The following EFCAB8 variants were observed in gnomAD, a reference collection of about 807,000 sequenced individuals.
EFCAB8 encodes the protein EF-hand calcium-binding domain-containing protein 8.
In EFCAB8, 100 loss-of-function variants were observed where a neutral mutation model predicts 116.3. That is an observed-to-expected ratio of 0.86 (90% CI 0.73 to 1.02). The LOEUF is 1.02. Among genes scored for constraint, EFCAB8 ranks in the 50% least tolerant of loss-of-function variants. The pLI, the probability that EFCAB8 is intolerant of heterozygous loss-of-function variation, is 0.00. For synonymous variants in EFCAB8, 558 were observed against 567.9 expected (o/e 0.98, Z 0.25); for missense variants, 1,320 against 1,416.9 (o/e 0.93, Z 1.10).
chr20:32,892,688 G>T (rs1985974316), intron 8 of EFCAB8, among the ~76,000 whole-genome samples: 2 of 152,142 alleles, frequency 1.3e-5, no homozygotes, highest in African/African-American at 4.8e-5. Context: ...TCAGTGATGG[G>T]CTGGACCTGG....
chr20:32,953,422 G>A (rs1229628242), intron 23 of EFCAB8, among the ~76,000 whole-genome samples: 3 of 152,196 alleles, frequency 2.0e-5, no homozygotes, highest in African/African-American at 7.2e-5. Context: ...CATAGCACAT[G>A]TACCATTTTA....
intron 6 of EFCAB8, among the ~76,000 whole-genome samples, chr20:32,888,387 A>G (rs562825048): frequency 6.6e-6 from 1 of 152,094 alleles, no homozygotes; most frequent in Non-Finnish European, 1.5e-5. Flanking sequence ...CACCACGCCC[A>G]GCTAACTTTT....
At chr20:32,907,411 C>T (rs558444980) in intron 13 of EFCAB8, among the ~76,000 whole-genome samples, 41 of 152,230 alleles carry the variant, frequency 2.7e-4, no homozygotes, top group Non-Finnish European at 5.0e-4. Context: ...GACCCCTCCT[C>T]GGCTGCCTGG....
chr20:32,927,385 C>T (rs1382452236), intron 20 of EFCAB8, among the ~76,000 whole-genome samples: 1 of 152,020 alleles, frequency 6.6e-6, no homozygotes, highest in Non-Finnish European at 1.5e-5. Flanking sequence ...CACTCTGTCT[C>T]CCAGGCTGGA....
intron 23 of EFCAB8, among the ~76,000 whole-genome samples, chr20:32,951,315 G>A (rs1231583673): frequency 6.6e-6 from 1 of 152,164 alleles, no homozygotes; most frequent in Non-Finnish European, 1.5e-5. Context: ...ATAAACTATG[G>A]TTTATGGAAT....
chr20:32,887,646 T>C (rs1166738346), intron 6 of EFCAB8, among the ~76,000 whole-genome samples: 1 of 152,216 alleles, frequency 6.6e-6, no homozygotes, highest in African/African-American at 2.4e-5. Flanking sequence ...TCTCCAACTC[T>C]AAGCCGAGTG....
intron 17 of EFCAB8, among the ~76,000 whole-genome samples, chr20:32,915,227 TG>T (rs1449655984): frequency 1.3e-5 from 2 of 152,210 alleles, no homozygotes; most frequent in Non-Finnish European, 2.9e-5. Context: ...ATTAACAGTT[TG>T]GTCTTTAAAC....
At chr20:32,869,239 ATT>A (rs558913991) in intron 3 of EFCAB8, among the ~76,000 whole-genome samples, 2 of 144,380 alleles carry the variant, frequency 1.4e-5, no homozygotes, top group Non-Finnish European at 1.5e-5. Context: ...GGGTGTTGCA[ATT>A]TTTTTTTTTT....
intron 11 of EFCAB8, among the ~76,000 whole-genome samples, chr20:32,905,643 C>T (rs969633665): frequency 6.6e-6 from 1 of 151,742 alleles, no homozygotes; most frequent in Non-Finnish European, 1.5e-5. Context: ...ACCTGTAATC[C>T]CAGCTACTCT....
At chr20:32,953,803 T>C (rs955021567) in intron 23 of EFCAB8, among the ~76,000 whole-genome samples, 5 of 152,142 alleles carry the variant, frequency 3.3e-5, no homozygotes, top group African/African-American at 1.2e-4. Flanking sequence ...TTGTTGATTG[T>C]GGTTTTTGTT....
At chr20:32,892,438 C>A in intron 8 of EFCAB8, 141 bp downstream of exon 8, 3 of 683,236 alleles carry the variant, frequency 4.4e-6, no homozygotes, top group Non-Finnish European at 7.4e-6. Flanking sequence ...TCCAAGGCCC[C>A]TGTGTCTTCC....
At position 32,961,437 on chromosome 20, in the gene EFCAB8, A is replaced by C. The variant is rs1216733147; in HGVS notation, c.3695A>C (p.Gln1232Pro). ...CAGTTCTCCTTCTTGCTGCGGCCCC[A>C]GTCAGCCTCCACAGCCCATTCCACC... ...TPQFSFLLRP[Q>P]SASTAHSTPS... The change falls in exon 27 of 27, where the codon CAG (glutamine) becomes CCG (proline). Residue 1232 changes from glutamine (Q) to proline (P), a missense_variant. Gln to Pro is a moderately conservative substitution (Grantham distance 76, BLOSUM62 -1). Transcript: ENST00000400522. 32 of 1,456,728 alleles carry C rather than the reference A, an allele frequency of 2.2e-5. No individual in the cohort carries two copies. The highest frequency in any genetic ancestry group is 2.7e-5 in the Non-Finnish European group (30 of 1,102,744). 90.2% of individuals were successfully genotyped at this position (1,456,728 alleles called of 1,614,324 possible). A position where few individuals can be genotyped will look rare whatever the true frequency, so the allele number is the denominator to read the frequency against.
intron 23 of EFCAB8, among the ~76,000 whole-genome samples, chr20:32,956,842 C>T (rs1162070449): frequency 6.6e-6 from 1 of 151,800 alleles, no homozygotes; most frequent in Non-Finnish European, 1.5e-5. Context: ...TATCTCTTCA[C>T]TATTACTTCT....
rs35534837 is a variant in EFCAB8, at chr20:32,870,859, C to CTT, written c.208+3125_208+3126dup. Among the ~76,000 whole-genome samples the CTT allele has an allele frequency of 7.5e-5, 11 of 146,210 alleles. No homozygotes were observed. The South Asian group carries it at 8.7e-4, about 12-fold the overall frequency. On this transcript the variant is annotated intron_variant, in intron 3 of 26. Coordinates refer to ENST00000400522, the MANE Select transcript of EFCAB8 (RefSeq NM_001143967.2). ...TCTTTAGTCATTTCTACTTCTTCTTCTTTTTTTTTTTTTTCCTGAAATGGA... is the reference window on the plus strand; with the variant it reads ...TCTTTAGTCATTTCTACTTCTTCTTCTTTTTTTTTTTTTTTTCCTGAAATGGA...
chr20:32,860,493 C>CTTTTTTTT lies in EFCAB8; in HGVS notation c.-11+1511_-11+1518dup, dbSNP rs71190881. Among the ~76,000 whole-genome samples, 23 of 83,994 alleles carry CTTTTTTTT rather than the reference C, an allele frequency of 2.7e-4. 3 individuals are homozygous for CTTTTTTTT. The highest frequency in any genetic ancestry group is 1.5e-3 in the African/African-American group (19 of 12,800). The allele number at this position is 83,994 out of a possible 152,430, so 55.1% of individuals were successfully genotyped here. ...TTTGTTCCATCGCTGATGGTGGTAA[C>CTTTTTTTT]TTTTTTTTTTTTTTTTTTTTTTTTT... On this transcript the variant is annotated intron_variant, in intron 1 of 26. Transcript: ENST00000400522.
At chr20:32,941,158 A>G (rs1199403234) in intron 22 of EFCAB8, among the ~76,000 whole-genome samples, 4 of 149,504 alleles carry the variant, frequency 2.7e-5, no homozygotes, top group Non-Finnish European at 5.9e-5. Context: ...AGGCTGAGGC[A>G]GGAGAATCGC....
At chr20:32,887,035 G>C (rs557558342) in intron 6 of EFCAB8, among the ~76,000 whole-genome samples, 1 of 152,212 alleles carries the variant, frequency 6.6e-6, no homozygotes, top group East Asian at 1.9e-4. Flanking sequence ...GAGGGGCTTA[G>C]GAGGGTTCTG....
chr20:32,907,093 C>G, intron 13 of EFCAB8, 99 bp downstream of exon 13: 1 of 1,435,380 alleles, frequency 7.0e-7, no homozygotes, highest in Non-Finnish European at 9.1e-7. Context: ...CACATCTGGC[C>G]AAAGGCCTAG....
At chr20:32,927,972 A>G (rs1184815468) in intron 20 of EFCAB8, among the ~76,000 whole-genome samples, 2 of 152,078 alleles carry the variant, frequency 1.3e-5, no homozygotes, top group Non-Finnish European at 2.9e-5. Context: ...TATACCCATT[A>G]AAAAATAACT....
Sources: gnomAD v4.1 joint callset for allele counts (sites outside exome capture counted in the v4.1 genomes callset) on GRCh38, gnomAD v4.1.1 for gene constraint, MANE v1.5 for transcripts, NCBI Gene and HGNC (gene_info 2026-07-23, HGNC 2026-07-21) for gene names.